The following GDAP1L1 variants were observed in gnomAD, a reference collection of about 807,000 sequenced individuals.
GDAP1L1 encodes ganglioside-induced differentiation-associated protein 1-like 1.
GDAP1L1 carries 21 observed loss-of-function variants against 37.1 expected under a neutral mutation model. The ratio of observed to expected loss-of-function variants is 0.57; its 90% CI spans 0.40 to 0.81. The LOEUF is 0.81. Ranked by LOEUF, GDAP1L1 falls within the 40% of genes least tolerant of loss-of-function variation. The pLI, the probability that GDAP1L1 is intolerant of heterozygous loss-of-function variation, is 0.00. For synonymous variants in GDAP1L1, 193 were observed against 209.1 expected, an observed-to-expected ratio of 0.92 and a Z score of 0.67; for missense variants, 362 against 491.6, an observed-to-expected ratio of 0.74 and a Z score of 2.49.
intron 1 of GDAP1L1, among the ~76,000 whole-genome samples, chr20:44,255,413 G>A (rs2073518625): frequency 1.3e-5 from 2 of 151,878 alleles, no homozygotes; most frequent in African/African-American, 2.4e-5. Context: ...GTGGTGGCAT[G>A]CTCCTGTAAT....
At chr20:44,257,696 C>T (rs1206560032) in intron 2 of GDAP1L1, among the ~76,000 whole-genome samples, 2 of 152,132 alleles carry the variant, frequency 1.3e-5, no homozygotes, top group Non-Finnish European at 2.9e-5. Context: ...CCCCAGACCA[C>T]CCTCTAGGTC....
intron 1 of GDAP1L1, among the ~76,000 whole-genome samples, chr20:44,256,723 G>C (rs776610442): frequency 3.9e-5 from 6 of 152,142 alleles, no homozygotes; most frequent in African/African-American, 1.2e-4. Context: ...CTAGGGGCCA[G>C]GCTGAGTGCT....
At chr20:44,269,428 T>C (rs2062489986) in intron 5 of GDAP1L1, among the ~76,000 whole-genome samples, 1 of 152,190 alleles carries the variant, frequency 6.6e-6, no homozygotes, top group South Asian at 2.1e-4. Flanking sequence ...TCCGGTTTTA[T>C]ATTTGAGAGA....
chr20:44,280,646 G>A lies in GDAP1L1; in HGVS notation c.*1346G>A, dbSNP rs2062630391. 2 of 152,370 alleles carry A rather than the reference G, an allele frequency of 1.3e-5. No individual in the cohort carries two copies. Among genetic ancestry groups the A allele is most frequent in the South Asian group, 4.1e-4 (2 of 4,826 alleles). 9.4% of individuals were successfully genotyped at this position (152,370 alleles called of 1,614,324 possible). On this transcript the variant is annotated 3_prime_UTR_variant, in exon 6 of 6. Transcript: ENST00000342560. Reference sequence around the variant, plus strand: ...CTTTGTTCTCATTAACCTGTGCAAGGGCCAGGTGTAGTGACTCATATTTAT... The same window carrying A: ...CTTTGTTCTCATTAACCTGTGCAAGAGCCAGGTGTAGTGACTCATATTTAT...
At chr20:44,260,086 T>C (rs570773238) in intron 3 of GDAP1L1, among the ~76,000 whole-genome samples, 114 of 152,130 alleles carry the variant, frequency 7.5e-4, no homozygotes, top group Admixed American at 3.1e-3. Flanking sequence ...CCAAGAAGTA[T>C]GAACAAAGGT....
intron 1 of GDAP1L1, among the ~76,000 whole-genome samples, chr20:44,254,284 TACTC>T (rs1273215554): frequency 3.3e-5 from 5 of 152,188 alleles, no homozygotes; most frequent in Admixed American, 2.0e-4. Context: ...TACTCACACT[TACTC>T]ATACACTCTT....
At chr20:44,262,675 T>A (rs1394287113) in intron 3 of GDAP1L1, among the ~76,000 whole-genome samples, 2 of 150,918 alleles carry the variant, frequency 1.3e-5, no homozygotes, top group African/African-American at 2.4e-5. Flanking sequence ...TTATTTTTTT[T>A]AACTGTGTAT....
intron 2 of GDAP1L1, chr20:44,258,105 T>C (rs1054103238): frequency 3.8e-5 from 27 of 714,946 alleles, no homozygotes; most frequent in African/African-American, 3.7e-4. Flanking sequence ...TGTGAGTTGG[T>C]TGCCAACATT....
intron 1 of GDAP1L1, among the ~76,000 whole-genome samples, chr20:44,249,038 AT>A (rs58008317): frequency 0.056 from 8,009 of 143,362 alleles, 682 homozygotes; most frequent in African/African-American, 0.19. Context: ...GAGTGTTATG[AT>A]TTTTTTTTTT....
intron 1 of GDAP1L1, among the ~76,000 whole-genome samples, chr20:44,256,927 C>A (rs1193470012): frequency 6.6e-6 from 1 of 152,208 alleles, no homozygotes; most frequent in Non-Finnish European, 1.5e-5. Context: ...AGCCACCAGG[C>A]AGCACTGCCC....
At chr20:44,257,517 G>A (rs1285010566) in intron 2 of GDAP1L1, among the ~76,000 whole-genome samples, 172 bp downstream of exon 2, 1 of 152,016 alleles carries the variant, frequency 6.6e-6, no homozygotes, top group Non-Finnish European at 1.5e-5. Context: ...GGGTTCAGAT[G>A]CCCCCAGAGC....
chr20:44,257,200 C>T lies in GDAP1L1; in HGVS notation c.228C>T (p.Asp76=), dbSNP rs375975517. Residue 76 remains aspartate, a synonymous_variant, in exon 2 of 6, where the codon GAC becomes GAT. Transcript: ENST00000342560. ...AEKGLVCEER[D]VSLPQSEHKE... ...AGGGCCTGGTGTGCGAGGAGCGGGA[C>T]GTGAGCCTGCCACAGAGCGAGCACA... is the stretch of plus-strand genomic sequence containing the variant. The T allele has an allele frequency of 5.3e-5, 85 of 1,609,064 alleles. No individual in the cohort carries two copies. In the Admixed American group the frequency reaches 1.2e-3, roughly 24 times the overall value.
intron 1 of GDAP1L1, among the ~76,000 whole-genome samples, chr20:44,250,632 T>C (rs1322632432): frequency 6.6e-6 from 1 of 152,228 alleles, no homozygotes; most frequent in Non-Finnish European, 1.5e-5. Flanking sequence ...ATATCATGCA[T>C]GTTCACACAC....
At chr20:44,265,970 A>C (rs984871748) in intron 5 of GDAP1L1, among the ~76,000 whole-genome samples, 1 of 152,218 alleles carries the variant, frequency 6.6e-6, no homozygotes, top group Non-Finnish European at 1.5e-5. Context: ...TTCTGGAAAC[A>C]AAGCCTGGTA....
At chr20:44,277,286 G>C (rs915090121) in intron 5 of GDAP1L1, among the ~76,000 whole-genome samples, 2 of 152,212 alleles carry the variant, frequency 1.3e-5, no homozygotes, top group African/African-American at 2.4e-5. Flanking sequence ...GTTTTAAATT[G>C]GCAGTCTGGG....
intron 2 of GDAP1L1, chr20:44,258,087 T>C: frequency 4.2e-6 from 3 of 708,946 alleles, no homozygotes; most frequent in Non-Finnish European, 7.9e-6. Flanking sequence ...TGCACTGTTT[T>C]AAAAGAATGT....
At chr20:44,272,045 G>C (rs1316102152) in intron 5 of GDAP1L1, among the ~76,000 whole-genome samples, 1 of 152,192 alleles carries the variant, frequency 6.6e-6, no homozygotes. Context: ...CAACATCACT[G>C]TTGCTCTCCC....
intron 5 of GDAP1L1, among the ~76,000 whole-genome samples, chr20:44,274,102 T>C (rs151067198): frequency 9.2e-4 from 140 of 152,316 alleles, no homozygotes; most frequent in Non-Finnish European, 1.4e-3. Flanking sequence ...TACGGTAGTA[T>C]ATATGCCCTC....
At chr20:44,251,933 G>A (rs898917710) in intron 1 of GDAP1L1, among the ~76,000 whole-genome samples, 8 of 152,044 alleles carry the variant, frequency 5.3e-5, no homozygotes, top group East Asian at 1.9e-4. Context: ...TCTGGTGGCC[G>A]GTCTCATAAC....
Sources: gnomAD v4.1 joint callset for allele counts (sites outside exome capture counted in the v4.1 genomes callset) on GRCh38, gnomAD v4.1.1 for gene constraint, MANE v1.5 for transcripts, NCBI Gene and HGNC (gene_info 2026-07-23, HGNC 2026-07-21) for gene names.